The following THRB variants were observed in gnomAD, a reference collection of about 807,000 sequenced individuals.
The protein encoded by THRB is nuclear receptor subfamily 1 group A member 2.
Under a neutral mutation model 47.8 loss-of-function variants are expected in THRB, and 12 were observed. The ratio of observed to expected loss-of-function variants is 0.25; its 90% CI spans 0.16 to 0.41. The LOEUF is 0.41. THRB is among the 10% of genes least tolerant of loss of function. The probability of loss-of-function intolerance (pLI) is 1.00; values close to 1 mark genes in which losing one functional copy is unlikely to be tolerated. For synonymous variants in THRB, 218 were observed against 212.2 expected (o/e 1.03, Z -0.24); for missense variants, 348 against 589.2 (o/e 0.59, Z 4.24).
intron 8 of THRB, among the ~76,000 whole-genome samples, chr3:24,136,526 G>A: frequency 1.3e-5 from 2 of 152,298 alleles, no homozygotes; most frequent in Middle Eastern, 6.8e-3. Context: ...TTTGGAAGAT[G>A]TTAAAAATAG....
chr3:24,292,085 G>A (rs1192567888), intron 3 of THRB, among the ~76,000 whole-genome samples: 1 of 152,024 alleles, frequency 6.6e-6, no homozygotes. Context: ...ATATAGAGAG[G>A]TATGAAAAGG....
At chr3:24,439,753 AAAATAGGTCTAATTTTTAGATATT>A (rs1364674116) in intron 1 of THRB, among the ~76,000 whole-genome samples, 2 of 152,240 alleles carry the variant, frequency 1.3e-5, no homozygotes, top group Admixed American at 1.3e-4. Context: ...AAAGTGATGA[AAAATAGGTCTAATTTTTAGATATT>A]AAATACCTTC....
At chr3:24,365,659 T>C (rs1184372889) in intron 1 of THRB, among the ~76,000 whole-genome samples, 1 of 152,192 alleles carries the variant, frequency 6.6e-6, no homozygotes, top group Non-Finnish European at 1.5e-5. Flanking sequence ...AAAAAATTAA[T>C]TTGATTTTCT....
intron 1 of THRB, among the ~76,000 whole-genome samples, chr3:24,339,574 G>A (rs1035159426): frequency 6.6e-6 from 1 of 152,068 alleles, no homozygotes. Flanking sequence ...TGTCACTGAG[G>A]TGGTTTCCAA....
intron 2 of THRB, among the ~76,000 whole-genome samples, chr3:24,334,023 T>A (rs531123174): frequency 1.3e-5 from 2 of 152,348 alleles, no homozygotes; most frequent in South Asian, 4.1e-4. Flanking sequence ...GGGTCCCATC[T>A]GTCCTGGCCT....
intron 3 of THRB, among the ~76,000 whole-genome samples, chr3:24,245,909 T>C (rs1420728949): frequency 6.7e-6 from 1 of 148,320 alleles, no homozygotes; most frequent in Admixed American, 6.6e-5. Flanking sequence ...CGAGACTCTG[T>C]CACAAAACAA....
chr3:24,220,677 A>C (rs1315127680), intron 4 of THRB, among the ~76,000 whole-genome samples: 1 of 152,132 alleles, frequency 6.6e-6, no homozygotes, highest in Non-Finnish European at 1.5e-5. Context: ...AATCTGACTA[A>C]ATTTGCTGAG....
At chr3:24,419,647 A>G (rs1214689708) in intron 1 of THRB, among the ~76,000 whole-genome samples, 2 of 151,910 alleles carry the variant, frequency 1.3e-5, no homozygotes, top group Non-Finnish European at 2.9e-5. Flanking sequence ...CCTTGATGCA[A>G]TCTGCAATTA....
chr3:24,214,251 CT>C (rs1342073014), intron 4 of THRB, among the ~76,000 whole-genome samples: 1 of 152,154 alleles, frequency 6.6e-6, no homozygotes, highest in Non-Finnish European at 1.5e-5. Flanking sequence ...TATAAAATGG[CT>C]GGTGCAGGGC....
intron 1 of THRB, among the ~76,000 whole-genome samples, chr3:24,393,582 C>T (rs1464925830): frequency 3.3e-5 from 5 of 152,062 alleles, no homozygotes; most frequent in African/African-American, 7.2e-5. Flanking sequence ...ACCAAGAAAG[C>T]GTTTCCAAAA....
rs2031249910 is a variant in THRB at position 24,119,487 on chromosome 3, T to A, written c.*3397A>T. ...TAAAAAGGTATCACTGACAATGACA[T>A]GCTTCAAGGGTGCTCAGCGGTTCCT... On this transcript the variant is annotated 3_prime_UTR_variant, in exon 11 of 11. Transcript: ENST00000646209. 6.6e-6 allele frequency: 1 copy of A among 152,176 alleles called. No individual in the cohort carries two copies. The highest frequency in any genetic ancestry group is 2.4e-5 in the African/African-American group (1 of 41,438). The allele number at this position is 152,176 out of a possible 1,614,324, so 9.4% of individuals were successfully genotyped here.
chr3:24,125,435 G>A (rs1315340104), intron 10 of THRB, among the ~76,000 whole-genome samples: 1 of 152,134 alleles, frequency 6.6e-6, no homozygotes, highest in Non-Finnish European at 1.5e-5. Context: ...ATTTAAAACT[G>A]TCTTTGTACC....
intron 1 of THRB, among the ~76,000 whole-genome samples, chr3:24,415,532 A>C (rs942776563): frequency 1.7e-4 from 26 of 151,864 alleles, no homozygotes; most frequent in African/African-American, 6.0e-4. Context: ...TTTTATTTCA[A>C]AGGAAAAGGC....
At chr3:24,184,401 C>A (rs1048432319) in intron 5 of THRB, among the ~76,000 whole-genome samples, 1 of 152,196 alleles carries the variant, frequency 6.6e-6, no homozygotes, top group Non-Finnish European at 1.5e-5. Context: ...GTTCAGTTGG[C>A]CTTGGAAAGC....
At position 24,481,229 on chromosome 3, in the gene THRB, G is replaced by GTTTTT. The variant is rs746323691; in HGVS notation, c.-261+13418_-261+13422dup. Among the ~76,000 whole-genome samples the GTTTTT allele has an allele frequency of 7.0e-4, 39 of 55,352 alleles. 5 individuals carry two copies. Among genetic ancestry groups the GTTTTT allele is most frequent in the African/African-American group, 1.8e-3 (23 of 13,074 alleles). 36.3% of individuals were successfully genotyped at this position (55,352 alleles called of 152,430 possible). A position where few individuals can be genotyped will look rare whatever the true frequency, so the allele number is the denominator to read the frequency against. ...TATATGTGTGGATGCGTTTCTTTCT[G>GTTTTT]TTTTTTTTTTTTTTTTTTTTTTTTT... On this transcript the variant is annotated intron_variant, in intron 1 of 10. Coordinates refer to ENST00000646209, the MANE Select transcript of THRB (RefSeq NM_001354712.2).
intron 5 of THRB, among the ~76,000 whole-genome samples, chr3:24,186,639 A>T (rs1238470345): frequency 6.6e-6 from 1 of 152,172 alleles, no homozygotes; most frequent in African/African-American, 2.4e-5. Flanking sequence ...GCATAGGTAT[A>T]TGCAGGTTAA....
At chr3:24,308,190 T>C (rs529067820) in intron 2 of THRB, among the ~76,000 whole-genome samples, 1 of 152,066 alleles carries the variant, frequency 6.6e-6, no homozygotes, top group East Asian at 1.9e-4. Flanking sequence ...AAGAAAAAAA[T>C]AAAAATTAAA....
intron 4 of THRB, among the ~76,000 whole-genome samples, chr3:24,193,908 G>GAT (rs1184604602): frequency 5.9e-5 from 9 of 152,102 alleles, no homozygotes; most frequent in African/African-American, 2.2e-4. Flanking sequence ...AAGAAAATGT[G>GAT]ATATATATGT....
intron 3 of THRB, among the ~76,000 whole-genome samples, chr3:24,230,736 A>G (rs567807509): frequency 6.6e-6 from 1 of 152,330 alleles, no homozygotes; most frequent in South Asian, 2.1e-4. Flanking sequence ...AATATTCTAA[A>G]GAGGTGGAGG....
Sources: gnomAD v4.1 joint callset for allele counts (sites outside exome capture counted in the v4.1 genomes callset) on GRCh38, gnomAD v4.1.1 for gene constraint, MANE v1.5 for transcripts, NCBI Gene and HGNC (gene_info 2026-07-23, HGNC 2026-07-21) for gene names.